Variants in RAP1GAP2 observed in about 807,000 individuals in gnomAD.
RAP1GAP2 encodes the protein rap1 GTPase-activating protein 2.
Under a neutral mutation model 95.0 loss-of-function variants are expected in RAP1GAP2, and 27 were observed. The observed-to-expected ratio is 0.28, with a 90% confidence interval of 0.21 to 0.39. The LOEUF is 0.39. Among genes scored for constraint, RAP1GAP2 ranks in the 10% least tolerant of loss-of-function variants. RAP1GAP2 has a pLI of 1.00. For synonymous variants in RAP1GAP2, 373 were observed against 380.9 expected (o/e 0.98, Z 0.24); for missense variants, 771 against 970.0 (o/e 0.79, Z 2.72).
chr17:2,822,667 C>T (rs1311151712), intron 2 of RAP1GAP2, among the ~76,000 whole-genome samples: 8 of 146,794 alleles, frequency 5.4e-5, no homozygotes, highest in African/African-American at 1.0e-4. Flanking sequence ...AGGTGGCTCA[C>T]GCCTATAATC....
At chr17:2,982,432 C>T (rs112396368) in intron 10 of RAP1GAP2, among the ~76,000 whole-genome samples, 5,065 of 152,272 alleles carry the variant, frequency 0.033, 262 homozygotes, top group African/African-American at 0.11. Context: ...CCACCTCGCC[C>T]GGCTGGAACA....
At chr17:2,860,513 G>A (rs2072334430) in intron 2 of RAP1GAP2, among the ~76,000 whole-genome samples, 1 of 150,820 alleles carries the variant, frequency 6.6e-6, no homozygotes, top group East Asian at 2.0e-4. Context: ...GGTGGCCAGA[G>A]TGGAGTTTAA....
chr17:2,982,139 GAACA>G (rs2045384797), intron 10 of RAP1GAP2, among the ~76,000 whole-genome samples: 1 of 152,220 alleles, frequency 6.6e-6, no homozygotes, highest in Admixed American at 6.5e-5. Flanking sequence ...GAATCCCCTG[GAACA>G]AACACTCTTT....
intron 2 of RAP1GAP2, among the ~76,000 whole-genome samples, chr17:2,897,759 T>C (rs926597800): frequency 3.3e-5 from 5 of 151,794 alleles, no homozygotes; most frequent in Non-Finnish European, 7.4e-5. Context: ...CACTGTGGGG[T>C]TTGGGCGGTT....
At chr17:3,021,979 C>T (rs2046977842) in intron 19 of RAP1GAP2, among the ~76,000 whole-genome samples, 1 of 152,130 alleles carries the variant, frequency 6.6e-6, no homozygotes, top group Admixed American at 6.6e-5. Context: ...TACTGATTTC[C>T]TTTCTTTTGG....
chr17:2,984,982 G>C lies in RAP1GAP2; in HGVS notation c.730-1G>C. On this transcript the variant is annotated splice_acceptor_variant, in intron 10 of 24. Transcript: ENST00000254695. LOFTEE classifies it high-confidence loss of function. ...TTTTTTTTTCTTGCCACATTTTCCA[G>C]GCCTCCCAAATGATTGTGTCCTATG... is the stretch of plus-strand genomic sequence containing the variant. 1 of 1,601,350 alleles carries C rather than the reference G, an allele frequency of 6.2e-7. No homozygotes were observed. The highest frequency in any genetic ancestry group is 8.5e-7 in the Non-Finnish European group (1 of 1,175,808).
At chr17:3,014,374 A>G (rs1177736271) in intron 17 of RAP1GAP2, among the ~76,000 whole-genome samples, 1 of 152,212 alleles carries the variant, frequency 6.6e-6, no homozygotes, top group African/African-American at 2.4e-5. Flanking sequence ...TACAGTAAAA[A>G]TATAGTATTA....
At chr17:2,862,253 G>A (rs1430389175) in intron 2 of RAP1GAP2, among the ~76,000 whole-genome samples, 1 of 152,190 alleles carries the variant, frequency 6.6e-6, no homozygotes, top group Non-Finnish European at 1.5e-5. Context: ...GGCAGAGGCA[G>A]CCTCCCTTCA....
chr17:2,847,110 G>A (rs1053260134), intron 2 of RAP1GAP2, among the ~76,000 whole-genome samples: 2 of 152,168 alleles, frequency 1.3e-5, no homozygotes, highest in East Asian at 1.9e-4. Flanking sequence ...CCTGGTTCAC[G>A]CGATTCTCCT....
At position 3,037,561 on chromosome 17, in the gene RAP1GAP2, A is replaced by T. The variant is rs2047507724; in HGVS notation, c.*4200A>T. ...TTTGCTTTCTTTCCTCTTAGTGAGG[A>T]GGTGATTCGTAGATCCCAACTGCCT... is the stretch of plus-strand genomic sequence containing the variant. On this transcript the variant is annotated 3_prime_UTR_variant, in exon 25 of 25. Transcript: ENST00000254695. The T allele has an allele frequency of 6.6e-6, 1 of 152,310 alleles. No individual in the cohort carries two copies. The highest frequency in any genetic ancestry group is 6.6e-5 in the Admixed American group (1 of 15,238). The allele number at this position is 152,310 out of a possible 1,614,324, so 9.4% of individuals were successfully genotyped here.
intron 2 of RAP1GAP2, among the ~76,000 whole-genome samples, chr17:2,835,086 A>AT (rs68015915): frequency 0.023 from 3,359 of 149,244 alleles, 48 homozygotes; most frequent in Middle Eastern, 0.064. Context: ...CACCTGGCTA[A>AT]TTTTTTTTTG....
chr17:2,834,906 A>G (rs1031494545), intron 2 of RAP1GAP2, among the ~76,000 whole-genome samples: 2 of 151,934 alleles, frequency 1.3e-5, no homozygotes, highest in African/African-American at 4.8e-5. Context: ...ATTAAAATAA[A>G]TTAAATTAAT....
intron 1 of RAP1GAP2, among the ~76,000 whole-genome samples, chr17:2,760,255 T>C (rs1419509165): frequency 2.1e-4 from 24 of 115,842 alleles, no homozygotes; most frequent in Admixed American, 1.4e-3. Flanking sequence ...ATCGCGCCAC[T>C]GCACTCCAAC....
At chr17:2,873,818 A>G (rs908073304) in intron 2 of RAP1GAP2, among the ~76,000 whole-genome samples, 2 of 152,070 alleles carry the variant, frequency 1.3e-5, no homozygotes, top group Non-Finnish European at 2.9e-5. Context: ...GCTGGAGTGC[A>G]GTGGCGCGAT....
At chr17:2,979,014 T>A (rs2045241345) in intron 8 of RAP1GAP2, among the ~76,000 whole-genome samples, 1 of 150,052 alleles carries the variant, frequency 6.7e-6, no homozygotes, top group African/African-American at 2.4e-5. Flanking sequence ...AATAAAAAAA[T>A]TCAGGATATT....
At chr17:2,989,782 A>C (rs2045691334) in intron 11 of RAP1GAP2, among the ~76,000 whole-genome samples, 1 of 152,168 alleles carries the variant, frequency 6.6e-6, no homozygotes, top group South Asian at 2.1e-4. Flanking sequence ...TATCTCAATG[A>C]AGTGTGCAGT....
intron 10 of RAP1GAP2, among the ~76,000 whole-genome samples, chr17:2,982,105 G>A (rs1012845608): frequency 6.6e-6 from 1 of 152,182 alleles, no homozygotes; most frequent in African/African-American, 2.4e-5. Flanking sequence ...AGGAAGAGAG[G>A]CCCCATTCCA....
rs925655271 is a variant in RAP1GAP2, at chr17:3,005,780, C to T, written c.1273-175C>T. On this transcript the variant is annotated intron_variant, in intron 15 of 24. Transcript: ENST00000254695. The surrounding 1 kb of genome is among the most constrained non-coding windows in gnomAD (Gnocchi z 5.2). ...TTCCCAGGACCAGGGAAGCGGGTTT[C>T]CTTGTTGGGATATTTGCAAGTGGGC... 6.6e-6 allele frequency among the ~76,000 whole-genome samples: 1 copy of T among 152,156 alleles called. No homozygotes were observed. The highest frequency in any genetic ancestry group is 2.4e-5 in the African/African-American group (1 of 41,444).
chr17:2,768,100 C>A (rs958906357), intron 1 of RAP1GAP2, among the ~76,000 whole-genome samples: 2 of 152,076 alleles, frequency 1.3e-5, no homozygotes, highest in African/African-American at 4.8e-5. Context: ...GCATGGGTCG[C>A]CCTCAGTCTT....
Sources: gnomAD v4.1 joint callset for allele counts (sites outside exome capture counted in the v4.1 genomes callset) on GRCh38, gnomAD v4.1.1 for gene constraint, Gnocchi (gnomAD v3.1) non-coding constraint, MANE v1.5 for transcripts, NCBI Gene and HGNC (gene_info 2026-07-23, HGNC 2026-07-21) for gene names.